Variants in UBQLN4 observed in about 807,000 individuals in gnomAD.
UBQLN4 encodes the protein ubiquilin-4.
Under a neutral mutation model 60.4 loss-of-function variants are expected in UBQLN4, and 11 were observed. That is an observed-to-expected ratio of 0.18 (90% CI 0.11 to 0.30). The LOEUF is 0.30. Ranked by LOEUF, UBQLN4 falls within the 10% of genes least tolerant of loss-of-function variation. The pLI, the probability that UBQLN4 is intolerant of heterozygous loss-of-function variation, is 1.00. For missense variants in UBQLN4, 417 were observed against 795.5 expected (o/e 0.52, Z 5.72); for synonymous variants, 258 against 313.1 (o/e 0.82, Z 1.86).
rs1299158528 is a variant in UBQLN4, at chr1:156,042,818, T to G, written c.1222A>C (p.Ser408Arg). The change falls in exon 7 of 11, where the codon AGC becomes CGC. Residue 408 changes from serine to arginine, a missense_variant. By Grantham distance (110) the Ser-to-Arg change is moderately radical (BLOSUM62 -1). Transcript: ENST00000368309. Reference protein sequence around the residue: ...QNVISAPYMRSMMQTLAQNPD... With the variant: ...QNVISAPYMRRMMQTLAQNPD... Reference sequence around the variant, plus strand: ...TTCTGGGCAAGCGTCTGCATCATGCTGCGCATGTAGGGTGCTGAGATCACA... The same window carrying G: ...TTCTGGGCAAGCGTCTGCATCATGCGGCGCATGTAGGGTGCTGAGATCACA... The G allele has an allele frequency of 1.5e-5, 24 of 1,614,102 alleles. No homozygotes were observed. The highest frequency in any genetic ancestry group is 1.8e-5 in the Non-Finnish European group (21 of 1,180,032).
At chr1:156,032,405 G>A (rs1489801046), downstream of UBQLN4, among the ~76,000 whole-genome samples, 2 of 151,682 alleles carry the variant, frequency 1.3e-5, no homozygotes, top group Non-Finnish European at 2.9e-5. Flanking sequence ...CAGCTACTTG[G>A]GAGGGCGAGG....
At chr1:156,044,650 A>C (rs1683653108) in intron 5 of UBQLN4, among the ~76,000 whole-genome samples, 1 of 151,954 alleles carries the variant, frequency 6.6e-6, no homozygotes, top group Non-Finnish European at 1.5e-5. Flanking sequence ...TCAATAACTA[A>C]CTACTGGCTT....
intron 1 of UBQLN4, 61 bp downstream of exon 1, chr1:156,053,532 GC>G (rs1294024905): frequency 1.7e-6 from 2 of 1,144,304 alleles, no homozygotes; most frequent in Non-Finnish European, 2.2e-6. Context: ...CGTCAGAGAG[GC>G]CCCCCATCTC....
Position 156,037,195 on chromosome 1 carries a change from G to C in UBQLN4, c.1654-65C>G. ...TCTTGGGGGCCCTATTTGAATTAAG[G>C]GTTTCTAAGACCAGCAGGTCTTCTC... On this transcript the variant is annotated intron_variant, in intron 10 of 10. Transcript: ENST00000368309. 3 of 1,569,344 alleles carry C rather than the reference G, an allele frequency of 1.9e-6. 1 individual carries two copies. In the African/African-American group the frequency reaches 4.1e-5, roughly 21 times the overall value.
At chr1:156,047,434 G>A (rs958051832) in intron 5 of UBQLN4, among the ~76,000 whole-genome samples, 1 of 150,894 alleles carries the variant, frequency 6.6e-6, no homozygotes, top group Non-Finnish European at 1.5e-5. Flanking sequence ...TAGTAGAGAT[G>A]GGGTTTCACC....
At chr1:156,037,527 C>T (rs1421122493) in intron 10 of UBQLN4, among the ~76,000 whole-genome samples, 1 of 152,110 alleles carries the variant, frequency 6.6e-6, no homozygotes, top group African/African-American at 2.4e-5. Flanking sequence ...ATCCGGGAGG[C>T]GGAGCTTGCA....
At chr1:156,051,357 G>A in intron 2 of UBQLN4, 30 bp from the exon 3 acceptor site, 1 of 1,549,030 alleles carries the variant, frequency 6.5e-7, no homozygotes, top group Non-Finnish European at 8.7e-7. Flanking sequence ...AATCCTGTTG[G>A]AGTGAGCACT....
chr1:156,037,727 G>A (rs1335338151), intron 10 of UBQLN4, among the ~76,000 whole-genome samples: 2 of 152,148 alleles, frequency 1.3e-5, no homozygotes, highest in South Asian at 2.1e-4. Context: ...CATAAACACT[G>A]GAGATGTTAA....
chr1:156,047,051 G>A (rs753559423), intron 5 of UBQLN4, among the ~76,000 whole-genome samples: 9 of 152,026 alleles, frequency 5.9e-5, no homozygotes, highest in Non-Finnish European at 8.8e-5. Flanking sequence ...CTCTACCTAT[G>A]TCTTATTTGC....
chr1:156,052,508 G>A (rs1260280597), intron 1 of UBQLN4, among the ~76,000 whole-genome samples: 1 of 152,106 alleles, frequency 6.6e-6, no homozygotes, highest in African/African-American at 2.4e-5. Flanking sequence ...ATTTTTAGTA[G>A]AGACGGGGTT....
At chr1:156,033,967 C>T (rs1023485085), downstream of UBQLN4, among the ~76,000 whole-genome samples, 2 of 151,878 alleles carry the variant, frequency 1.3e-5, no homozygotes, top group African/African-American at 4.8e-5. Context: ...AGTTTCTTTC[C>T]CCTCTGGGTT....
At chr1:156,042,268 G>A in intron 7 of UBQLN4, 32 bp from the exon 8 acceptor site, 1 of 1,549,900 alleles carries the variant, frequency 6.5e-7, no homozygotes, top group Non-Finnish European at 8.7e-7. Context: ...GGGGAGACCT[G>A]GGCCTTTTCA....
At chr1:156,042,981 C>G in intron 6 of UBQLN4, 68 bp from the exon 7 acceptor site, 4 of 1,560,690 alleles carry the variant, frequency 2.6e-6, no homozygotes, top group Non-Finnish European at 3.5e-6. Flanking sequence ...GGCCTCACTT[C>G]AATCTACCTT....
Position 156,041,967 on chromosome 1 carries a change from G to C in UBQLN4, c.1371C>G (p.Leu457=). Residue 457 remains leucine, a synonymous_variant, in exon 9 of 11, where the codon CTC becomes CTG. Coordinates refer to ENST00000368309, the MANE Select transcript of UBQLN4 (RefSeq NM_020131.5). ...FLQQMQNPES[L]SILTNPRAMQ... is the part of the protein sequence containing the mutation. ...TGGCTCGGGGATTGGTAAGGATGGA[G>C]AGTGACTCTGGGTTCTGCATCTGGT... 6.2e-7 allele frequency: 1 copy of C among 1,614,132 alleles called. No individual in the cohort carries two copies. Among genetic ancestry groups the C allele is most frequent in the Non-Finnish European group, 8.5e-7 (1 of 1,180,012 alleles).
intron 10 of UBQLN4, among the ~76,000 whole-genome samples, chr1:156,039,296 G>A (rs899106589): frequency 2.1e-5 from 3 of 145,010 alleles, no homozygotes; most frequent in African/African-American, 7.7e-5. Flanking sequence ...TGTTGCCCAG[G>A]CTGGAGTAAA....
rs187537939 is a variant in UBQLN4 at position 156,047,867 on chromosome 1, G to A, written c.900+634C>T. ...AGATTGCGCCACTGCATTCCAGCCT[G>A]GGCGATAGAGCGAGACTCCATCTCA... On this transcript the variant is annotated intron_variant, in intron 5 of 10. Coordinates refer to ENST00000368309, the MANE Select transcript of UBQLN4 (RefSeq NM_020131.5). 6.5e-3 allele frequency among the ~76,000 whole-genome samples: 962 copies of A among 147,740 alleles called. 4 individuals carry two copies. The highest frequency in any genetic ancestry group is 0.01 in the Non-Finnish European group (683 of 67,078).
chr1:156,051,697 T>C lies in UBQLN4; in HGVS notation c.260+9A>G, dbSNP rs767941626. 1 of 1,612,976 alleles carries C rather than the reference T, an allele frequency of 6.2e-7. No homozygotes were observed. Among genetic ancestry groups the C allele is most frequent in the Non-Finnish European group, 8.5e-7 (1 of 1,179,936 alleles). ...TCAGAAGCTGGATCTGCTCTGCTCC[T>C]GAACTTACTTCTGAGGGGTCTTGAT... On this transcript the variant is annotated intron_variant, in intron 2 of 10. Transcript: ENST00000368309.
At chr1:156,047,242 ATTTT>A (rs35659997) in intron 5 of UBQLN4, among the ~76,000 whole-genome samples, 2 of 133,748 alleles carry the variant, frequency 1.5e-5, no homozygotes, top group Non-Finnish European at 1.6e-5. Flanking sequence ...TAACTTGTGA[ATTTT>A]TTTTTTTTTT....
chr1:156,043,648 C>G (rs1683625506), intron 6 of UBQLN4, among the ~76,000 whole-genome samples: 1 of 152,126 alleles, frequency 6.6e-6, no homozygotes, highest in Admixed American at 6.6e-5. Context: ...ATCCCTTTCC[C>G]CCAGCCTCAC....
Sources: allele counts gnomAD v4.1 joint callset (sites outside exome capture counted in the v4.1 genomes callset), GRCh38; gene constraint gnomAD v4.1.1; transcripts MANE v1.5; gene names NCBI Gene and HGNC (gene_info 2026-07-23, HGNC 2026-07-21).